The following KDM2A variants were observed in gnomAD, a reference collection of about 807,000 sequenced individuals.
The protein encoded by KDM2A is lysine demethylase 2A.
In KDM2A, 3 loss-of-function variants were observed where a neutral mutation model predicts 137.3. The ratio of observed to expected loss-of-function variants is 0.02; its 90% CI spans 0.01 to 0.06. The LOEUF is 0.06. KDM2A is among the 10% of genes least tolerant of loss of function. The probability of loss-of-function intolerance (pLI) is 1.00; values close to 1 mark genes in which losing one functional copy is unlikely to be tolerated. For missense variants in KDM2A, 738 were observed against 1,510.6 expected (o/e 0.49, Z 8.48); for synonymous variants, 512 against 541.5 (o/e 0.95, Z 0.76).
intron 11 of KDM2A, among the ~76,000 whole-genome samples, chr11:67,230,160 A>G (rs1292298289): frequency 1.3e-5 from 2 of 151,008 alleles, no homozygotes; most frequent in Non-Finnish European, 2.9e-5. Context: ...TGGGTGACAG[A>G]GCGAGACTCC....
chr11:67,198,978 C>G (rs1857553585), intron 5 of KDM2A, among the ~76,000 whole-genome samples: 1 of 152,006 alleles, frequency 6.6e-6, no homozygotes, highest in Non-Finnish European at 1.5e-5. Flanking sequence ...GGAGTTTCAC[C>G]ATGTTGGCCA....
At chr11:67,192,617 T>C (rs1857385437) in intron 5 of KDM2A, among the ~76,000 whole-genome samples, 2 of 151,622 alleles carry the variant, frequency 1.3e-5, no homozygotes, top group South Asian at 4.2e-4. Flanking sequence ...GTCAATTTTG[T>C]ATTTTTTAGT....
chr11:67,226,946 TA>T (rs933977657), intron 10 of KDM2A, among the ~76,000 whole-genome samples: 3 of 150,318 alleles, frequency 2.0e-5, no homozygotes, highest in Admixed American at 1.3e-4. Context: ...CTCTAAAAGT[TA>T]AAAAAAAATG....
At chr11:67,179,386 G>A (rs1009695300) in intron 2 of KDM2A, among the ~76,000 whole-genome samples, 1 of 152,120 alleles carries the variant, frequency 6.6e-6, no homozygotes, top group African/African-American at 2.4e-5. Context: ...CGATTCTCCT[G>A]CGTCAGCCTC....
At position 67,215,916 on chromosome 11, in the gene KDM2A, C is replaced by T. The variant is rs757313193; in HGVS notation, c.654C>T (p.Thr218=). 1.2e-6 allele frequency: 2 copies of T among 1,613,764 alleles called. No individual in the cohort carries two copies. The highest frequency in any genetic ancestry group is 1.7e-6 in the Non-Finnish European group (2 of 1,179,834). The change falls in exon 8 of 21, where the codon ACC becomes ACT. Residue 218 remains threonine (T), a synonymous_variant. Transcript: ENST00000529006. ...ACTTCCATGTGGACTTTGGTGGTAC[C>T]TCTGTTTGGTATCACATCCATCAAG... ...YTDFHVDFGG[T]SVWYHIHQGG...
Position 67,240,250 on chromosome 11 carries a change from T to A in KDM2A, c.1480-2759T>A, listed in dbSNP as rs1468840517. 3.9e-6 allele frequency: 6 copies of A among 1,535,470 alleles called. No individual in the cohort carries two copies. The African/African-American group carries it at 6.8e-5, about 18-fold the overall frequency. On this transcript the variant is annotated intron_variant, in intron 12 of 20. Transcript: ENST00000529006. ...CCAGAATATTCAAGTAAATCCGGAT[T>A]TTCCCAGAGGCAGAATATCTAACTC...
chr11:67,192,966 G>A (rs1857392833), intron 5 of KDM2A, among the ~76,000 whole-genome samples: 1 of 152,082 alleles, frequency 6.6e-6, no homozygotes, highest in Non-Finnish European at 1.5e-5. Context: ...TTGATATTAT[G>A]AGATATTCAT....
intron 2 of KDM2A, among the ~76,000 whole-genome samples, chr11:67,166,630 CAGGAGGATCTCTTGAAGCA>C (rs980648022): frequency 1.3e-5 from 2 of 152,046 alleles, no homozygotes; most frequent in African/African-American, 4.8e-5. Context: ...GAGGCTGAGG[CAGGAGGATCTCTTGAAGCA>C]AGGAGTTCTG....
chr11:67,169,641 G>A (rs1490348427), intron 2 of KDM2A, among the ~76,000 whole-genome samples: 1 of 151,340 alleles, frequency 6.6e-6, no homozygotes, highest in Admixed American at 6.6e-5. Flanking sequence ...CTCCCAAAGT[G>A]CTGAGATTAT....
intron 2 of KDM2A, among the ~76,000 whole-genome samples, chr11:67,150,026 A>G (rs966725337): frequency 2.0e-5 from 3 of 152,110 alleles, no homozygotes; most frequent in Non-Finnish European, 4.4e-5. Context: ...ATGGCCTAGA[A>G]TCTGTATTTT....
intron 5 of KDM2A, among the ~76,000 whole-genome samples, chr11:67,184,593 C>G (rs918633659): frequency 6.6e-6 from 1 of 152,186 alleles, no homozygotes; most frequent in African/African-American, 2.4e-5. Flanking sequence ...TGCCACTGCA[C>G]TCCAGCCTGG....
At chr11:67,211,106 G>A (rs1035941026) in intron 6 of KDM2A, among the ~76,000 whole-genome samples, 1 of 152,022 alleles carries the variant, frequency 6.6e-6, no homozygotes, top group Non-Finnish European at 1.5e-5. Context: ...TATTTTTGTT[G>A]TTGCTGTTTC....
At chr11:67,127,700 A>AT (rs1302592460) in intron 2 of KDM2A, among the ~76,000 whole-genome samples, 2 of 151,754 alleles carry the variant, frequency 1.3e-5, no homozygotes, top group African/African-American at 2.4e-5. Flanking sequence ...TTTTAAATTA[A>AT]TTAATTTATT....
intron 2 of KDM2A, among the ~76,000 whole-genome samples, chr11:67,121,956 A>C (rs1003239752): frequency 1.3e-5 from 2 of 152,162 alleles, no homozygotes; most frequent in African/African-American, 4.8e-5. Flanking sequence ...TTTAGACATG[A>C]TTTGAAAGGA....
At chr11:67,162,160 T>G (rs1222724369) in intron 2 of KDM2A, among the ~76,000 whole-genome samples, 1 of 152,204 alleles carries the variant, frequency 6.6e-6, no homozygotes, top group Non-Finnish European at 1.5e-5. Context: ...TCATTTTGGT[T>G]TATTTGGTAA....
intron 5 of KDM2A, among the ~76,000 whole-genome samples, chr11:67,203,820 G>A (rs1321602170): frequency 1.4e-5 from 2 of 146,880 alleles, no homozygotes; most frequent in Non-Finnish European, 3.0e-5. Context: ...TTCTTTTTAA[G>A]ACAGAGTCTT....
chr11:67,253,833 G>A (rs112306431), intron 19 of KDM2A, among the ~76,000 whole-genome samples: 8 of 152,346 alleles, frequency 5.3e-5, no homozygotes, highest in African/African-American at 1.4e-4. Context: ...AGTTGGTGGA[G>A]TTTGGGGCCC....
rs3741189 is a variant in KDM2A, at chr11:67,228,132, T to C, written c.1053T>C (p.Thr351=). 0.98 allele frequency: 1,584,723 copies of C among 1,613,750 alleles called. 778,520 individuals are homozygous for C. Among genetic ancestry groups the C allele is most frequent in the Non-Finnish European group, 0.99 (1,169,246 of 1,179,754 alleles). The part of the protein sequence containing the change: ...VYCITNRSHL[T]KEFQKESLSM... ...GCATAACCAACCGTTCCCACCTAAC[T>C]AAGGAATTTCAGAAAGAGTCCCTCA... Residue 351 remains threonine (T), a synonymous_variant, in exon 11 of 21, where the codon ACT becomes ACC. Coordinates refer to ENST00000529006, the MANE Select transcript of KDM2A (RefSeq NM_012308.3).
At chr11:67,226,394 G>A (rs1200828674) in intron 10 of KDM2A, among the ~76,000 whole-genome samples, 2 of 152,144 alleles carry the variant, frequency 1.3e-5, no homozygotes, top group Non-Finnish European at 2.9e-5. Flanking sequence ...TAACTCCAAA[G>A]ACAGTTTTTA....
Sources: allele counts gnomAD v4.1 joint callset (sites outside exome capture counted in the v4.1 genomes callset), GRCh38; gene constraint gnomAD v4.1.1; transcripts MANE v1.5; gene names NCBI Gene and HGNC (gene_info 2026-07-23, HGNC 2026-07-21).